The following KANTR variants were observed in gnomAD, a reference collection of about 807,000 sequenced individuals.
The protein encoded by KANTR is KDM5C adjacent transcript.
chrX:53,117,855 G>A (rs782421014), intron 2 of KANTR, among the ~76,000 whole-genome samples: 2 of 110,297 alleles, frequency 1.8e-5, no homozygotes, highest in African/African-American at 6.6e-5. Flanking sequence ...CCTGACCTCA[G>A]GTGATCCACC....
downstream of KANTR, among the ~76,000 whole-genome samples, chrX:53,146,569 G>C (rs1402488182): frequency 2.7e-5 from 3 of 111,931 alleles, no homozygotes; most frequent in Non-Finnish European, 5.6e-5. Flanking sequence ...CACTCTGCAG[G>C]ATATTATCCA....
chrX:53,095,630 A>G (rs1932840383), intron 1 of KANTR, among the ~76,000 whole-genome samples: 1 of 110,452 alleles, frequency 9.1e-6, no homozygotes, highest in Admixed American at 9.9e-5. Context: ...GCACATATAT[A>G]TGCAAAGACT....
chrX:53,116,519 C>CT (rs1454024850), intron 2 of KANTR, among the ~76,000 whole-genome samples: 1 of 112,079 alleles, frequency 8.9e-6, no homozygotes, highest in Admixed American at 9.5e-5. Context: ...GTAAAATTCT[C>CT]TAAGTGGTCA....
intron 2 of KANTR, among the ~76,000 whole-genome samples, chrX:53,140,900 G>A (rs186267724): frequency 3.6e-5 from 4 of 112,297 alleles, no homozygotes; most frequent in African/African-American, 6.5e-5. Flanking sequence ...GGTGGCTCAC[G>A]CCTGTAATCC....
At chrX:53,128,316 G>A (rs1406263232), downstream of KANTR, among the ~76,000 whole-genome samples, 5 of 111,631 alleles carry the variant, frequency 4.5e-5, no homozygotes, top group Middle Eastern at 4.6e-3. Context: ...ACACAGAACC[G>A]TAATTTCAGG....
chrX:53,141,884 A>G lies in KANTR; in HGVS notation n.240A>G, dbSNP rs781947556. On this transcript the variant is annotated non_coding_transcript_exon_variant, in exon 3 of 3. Transcript: ENST00000366185. ...AACCGCTTCCAACTCAAGGCAAGTA[A>G]CAGCCCACGGTGTTCTGGCAGGAAA... 4 of 461,166 alleles carry G rather than the reference A, an allele frequency of 8.7e-6. No homozygotes were observed. The East Asian group carries it at 5.7e-4, about 66-fold the overall frequency. 38.0% of individuals were successfully genotyped at this position (461,166 alleles called of 1,213,427 possible).
intron 2 of KANTR, chrX:53,113,314 A>T: frequency 9.9e-6 from 1 of 101,151 alleles, no homozygotes. Flanking sequence ...CCTATAGCAG[A>T]AAACACACAC....
intron 2 of KANTR, among the ~76,000 whole-genome samples, chrX:53,141,212 T>C (rs1327004183): frequency 3.6e-5 from 4 of 112,198 alleles, no homozygotes; most frequent in Middle Eastern, 9.2e-3. Flanking sequence ...CAGTGTGGTG[T>C]TTCACACAGT....
intron 2 of KANTR, among the ~76,000 whole-genome samples, chrX:53,104,286 GTA>G (rs1569234111): frequency 9.1e-6 from 1 of 110,444 alleles, no homozygotes; most frequent in Non-Finnish European, 1.9e-5. Context: ...GAGTGCAGTG[GTA>G]CAATCTCGGC....
At chrX:53,105,748 C>T (rs782757784) in intron 2 of KANTR, among the ~76,000 whole-genome samples, 29 of 107,923 alleles carry the variant, frequency 2.7e-4, no homozygotes, top group African/African-American at 8.8e-4. Context: ...AGTCCACCTG[C>T]CTCGGCCTCC....
downstream of KANTR, among the ~76,000 whole-genome samples, chrX:53,127,951 G>A (rs1385600605): frequency 2.7e-5 from 3 of 111,188 alleles, no homozygotes; most frequent in Non-Finnish European, 5.7e-5. Context: ...CATAGTAAGT[G>A]TTATTATAAT....
intron 2 of KANTR, among the ~76,000 whole-genome samples, chrX:53,132,778 G>A (rs782056187): frequency 9.0e-6 from 1 of 111,529 alleles, no homozygotes; most frequent in South Asian, 3.8e-4. Context: ...ATCACCAGGG[G>A]CATACACAGG....
At chrX:53,128,343 A>G (rs2146749615), downstream of KANTR, among the ~76,000 whole-genome samples, 1 of 111,898 alleles carries the variant, frequency 8.9e-6, no homozygotes, top group East Asian at 2.8e-4. Flanking sequence ...TGGTCAGTGC[A>G]GTAACACTGG....
intron 2 of KANTR, among the ~76,000 whole-genome samples, chrX:53,105,311 A>G (rs1453042955): frequency 9.0e-6 from 1 of 111,650 alleles, no homozygotes; most frequent in Non-Finnish European, 1.9e-5. Context: ...CTTTTTTATT[A>G]TAGCCATCCT....
chrX:53,137,503 G>A (rs1339190203), intron 2 of KANTR, among the ~76,000 whole-genome samples: 3 of 111,706 alleles, frequency 2.7e-5, no homozygotes, highest in Non-Finnish European at 5.6e-5. Flanking sequence ...AGTGGCTCAC[G>A]CCTGTAATCC....
intron 2 of KANTR, among the ~76,000 whole-genome samples, chrX:53,118,889 C>T (rs1250848789): frequency 1.8e-5 from 2 of 111,457 alleles, no homozygotes; most frequent in African/African-American, 3.3e-5. Flanking sequence ...TATAGATGTG[C>T]ATCACCATGC....
chrX:53,106,040 G>A (rs1932949696), intron 2 of KANTR, among the ~76,000 whole-genome samples: 1 of 103,302 alleles, frequency 9.7e-6, no homozygotes, highest in Non-Finnish European at 2.0e-5. Context: ...TGTATTTTTA[G>A]TAGAGACGGG....
chrX:53,143,220 G>T, downstream of KANTR: 1 of 663,744 alleles, frequency 1.5e-6, no homozygotes, highest in East Asian at 3.3e-5. Flanking sequence ...CTTCTCCAGG[G>T]AGGAGGAGGA....
intron 1 of KANTR, among the ~76,000 whole-genome samples, chrX:53,096,401 A>G (rs1352351021): frequency 8.9e-6 from 1 of 112,501 alleles, no homozygotes; most frequent in Non-Finnish European, 1.9e-5. Context: ...GAGATATTCT[A>G]AAGTTGTATG....
Sources: gnomAD v4.1 joint callset for allele counts (sites outside exome capture counted in the v4.1 genomes callset) on GRCh38, gnomAD v4.1.1 for gene constraint, MANE v1.5 for transcripts, NCBI Gene and HGNC (gene_info 2026-07-23, HGNC 2026-07-21) for gene names.